Variants in PTPRT observed in about 807,000 individuals in gnomAD.
PTPRT encodes protein tyrosine phosphatase receptor type T.
PTPRT carries 56 observed loss-of-function variants against 176.8 expected under a neutral mutation model. That is an observed-to-expected ratio of 0.32 (90% CI 0.26 to 0.40). PTPRT has a LOEUF of 0.40. Ranked by LOEUF, PTPRT falls within the 10% of genes least tolerant of loss-of-function variation. PTPRT has a pLI of 1.00. For synonymous variants in PTPRT, 783 were observed against 739.0 expected (o/e 1.06, Z -0.96); for missense variants, 1,540 against 1,908.2 (o/e 0.81, Z 3.60).
chr20:42,587,803 T>C (rs977189894), intron 7 of PTPRT, among the ~76,000 whole-genome samples: 1 of 152,056 alleles, frequency 6.6e-6, no homozygotes, highest in Non-Finnish European at 1.5e-5. Context: ...ATCACGAGCA[T>C]CTAGTATCTT....
intron 17 of PTPRT, 52 bp from the exon 18 acceptor site, chr20:42,142,054 G>T (rs1010193300): frequency 2.0e-6 from 3 of 1,506,198 alleles, no homozygotes. Flanking sequence ...GAGCTTTATG[G>T]AAGTGGAGAT....
chr20:42,201,762 A>G (rs1394681576), intron 15 of PTPRT, among the ~76,000 whole-genome samples: 1 of 148,194 alleles, frequency 6.7e-6, no homozygotes, highest in Non-Finnish European at 1.5e-5. Flanking sequence ...AAATGCCCTG[A>G]CTACACCTTA....
chr20:42,345,466 TATAA>T (rs1414598588), intron 11 of PTPRT, among the ~76,000 whole-genome samples: 1 of 148,758 alleles, frequency 6.7e-6, no homozygotes. Flanking sequence ...TACATATATA[TATAA>T]AACTAGTTAC....
chr20:42,804,606 G>A (rs894925831), intron 2 of PTPRT, among the ~76,000 whole-genome samples: 5 of 152,244 alleles, frequency 3.3e-5, no homozygotes, highest in Non-Finnish European at 7.3e-5. Flanking sequence ...AAAGTGAGTG[G>A]CTGAAACAAC....
At chr20:42,137,414 G>A (rs1016305737) in intron 18 of PTPRT, among the ~76,000 whole-genome samples, 8 of 152,174 alleles carry the variant, frequency 5.3e-5, no homozygotes, top group African/African-American at 1.9e-4. Flanking sequence ...TGGAAAAGAT[G>A]GGCCTCTCTG....
intron 12 of PTPRT, 64 bp downstream of exon 12, chr20:42,315,659 T>G: frequency 1.3e-6 from 2 of 1,556,686 alleles, no homozygotes; most frequent in East Asian, 2.3e-5. Flanking sequence ...CCCTGCTGAC[T>G]TATCATTTGA....
intron 22 of PTPRT, among the ~76,000 whole-genome samples, chr20:42,112,543 G>A (rs1047550969): frequency 2.1e-5 from 3 of 143,714 alleles, no homozygotes; most frequent in East Asian, 1.9e-4. Context: ...TTACCCTTAT[G>A]GGGGGCACCT....
In PTPRT at chr20:43,159,704, T is replaced by C. The variant is rs948480515; in HGVS notation, c.88+29942A>G. Among the ~76,000 whole-genome samples, 4 of 152,172 alleles carry C rather than the reference T, an allele frequency of 2.6e-5. No homozygotes were observed. In the South Asian group the frequency reaches 6.2e-4, roughly 24 times the overall value. The stretch of plus-strand genomic sequence containing the variant: ...GCTGCAGAGCACTCCTTCCATATAA[T>C]ATACTCTCAGATGTCCATAATGATC... On this transcript the variant is annotated intron_variant, in intron 1 of 30. Transcript: ENST00000373187.
chr20:42,291,593 G>A (rs972867994), intron 12 of PTPRT, among the ~76,000 whole-genome samples: 1 of 152,100 alleles, frequency 6.6e-6, no homozygotes, highest in South Asian at 2.1e-4. Context: ...GGTGGGAAGG[G>A]AGATGGTCTG....
intron 12 of PTPRT, among the ~76,000 whole-genome samples, chr20:42,296,428 A>G (rs1041456259): frequency 1.0e-4 from 15 of 147,976 alleles, no homozygotes; most frequent in African/African-American, 3.8e-4. Flanking sequence ...CCTGGGTAAC[A>G]CAGCGAGACT....
chr20:42,890,193 C>T (rs1254687181), intron 1 of PTPRT, among the ~76,000 whole-genome samples: 1 of 152,162 alleles, frequency 6.6e-6, no homozygotes, highest in Non-Finnish European at 1.5e-5. Context: ...CTCATTGGGG[C>T]CCAACGCAAT....
At chr20:42,862,467 A>G (rs1051998591) in intron 2 of PTPRT, among the ~76,000 whole-genome samples, 1 of 152,180 alleles carries the variant, frequency 6.6e-6, no homozygotes, top group African/African-American at 2.4e-5. Flanking sequence ...TGTGTCCTCA[A>G]GCAAGAGAGG....
chr20:42,406,626 AG>A (rs1351649997), intron 9 of PTPRT, among the ~76,000 whole-genome samples: 7 of 152,190 alleles, frequency 4.6e-5, no homozygotes. Flanking sequence ...ATAAAAATAA[AG>A]CTTTTCCATT....
chr20:42,280,157 A>G (rs1423945025), intron 13 of PTPRT, among the ~76,000 whole-genome samples: 1 of 152,188 alleles, frequency 6.6e-6, no homozygotes, highest in African/African-American at 2.4e-5. Context: ...ATTGATTCCC[A>G]GCTTTAGGTT....
intron 13 of PTPRT, among the ~76,000 whole-genome samples, chr20:42,274,618 T>A (rs1207131234): frequency 7.6e-5 from 11 of 145,562 alleles, no homozygotes; most frequent in Admixed American, 7.5e-4. Flanking sequence ...GAGCTCAGAA[T>A]GCTGAATGTC....
intron 1 of PTPRT, among the ~76,000 whole-genome samples, chr20:42,982,223 G>T (rs1273871817): frequency 6.6e-6 from 1 of 152,136 alleles, no homozygotes; most frequent in East Asian, 1.9e-4. Flanking sequence ...ATTTTCAAAC[G>T]TACTCAGCAT....
chr20:43,150,229 C>A (rs2014307095), intron 1 of PTPRT, among the ~76,000 whole-genome samples: 1 of 152,182 alleles, frequency 6.6e-6, no homozygotes, highest in African/African-American at 2.4e-5. Context: ...ACTCGAAAGG[C>A]TGCCCTCTCC....
chr20:43,092,366 G>A (rs2011915604), intron 1 of PTPRT, among the ~76,000 whole-genome samples: 1 of 152,238 alleles, frequency 6.6e-6, no homozygotes, highest in African/African-American at 2.4e-5. Context: ...GAATGTCTGT[G>A]CAGGAGGCTT....
At chr20:42,172,823 C>T (rs143106689) in intron 16 of PTPRT, among the ~76,000 whole-genome samples, 3 of 152,306 alleles carry the variant, frequency 2.0e-5, no homozygotes, top group African/African-American at 4.8e-5. Context: ...AAGGACCTCT[C>T]ATGCAATGGA....
Sources: allele counts gnomAD v4.1 joint callset (sites outside exome capture counted in the v4.1 genomes callset), GRCh38; gene constraint gnomAD v4.1.1; transcripts MANE v1.5; gene names NCBI Gene and HGNC (gene_info 2026-07-23, HGNC 2026-07-21).